The following CSMD1 variants were observed in gnomAD, a reference collection of about 807,000 sequenced individuals.
CSMD1 encodes the protein CUB and Sushi multiple domains 1.
CSMD1 carries 213 observed loss-of-function variants against 417.5 expected under a neutral mutation model. That is an observed-to-expected ratio of 0.51 (90% CI 0.46 to 0.57). CSMD1 has a LOEUF of 0.57. Ranked by LOEUF, CSMD1 falls within the 20% of genes least tolerant of loss-of-function variation. The pLI is 0.00. For missense variants in CSMD1, 6,923 were observed against 4,529.7 expected (o/e 1.53, Z -15.17); for synonymous variants, 2,862 against 1,736.8 (o/e 1.65, Z -16.11).
intron 3 of CSMD1, among the ~76,000 whole-genome samples, chr8:4,305,431 C>G (rs984404293): frequency 6.6e-6 from 1 of 152,090 alleles, no homozygotes; most frequent in Non-Finnish European, 1.5e-5. Context: ...GGATAATCGA[C>G]TAAAAGTAAG....
intron 1 of CSMD1, among the ~76,000 whole-genome samples, chr8:4,838,233 C>T (rs1016562324): frequency 6.6e-6 from 1 of 152,176 alleles, no homozygotes. Flanking sequence ...GGGTTTCGTT[C>T]TGGGTTTTAT....
At chr8:3,973,460 A>G (rs1170789995) in intron 5 of CSMD1, among the ~76,000 whole-genome samples, 1 of 152,344 alleles carries the variant, frequency 6.6e-6, no homozygotes, top group African/African-American at 2.4e-5. Flanking sequence ...ATATGTTGCA[A>G]TATTTCTGAA....
intron 7 of CSMD1, among the ~76,000 whole-genome samples, chr8:3,647,622 G>C (rs76201316): frequency 0.016 from 2,439 of 152,262 alleles, 23 homozygotes; most frequent in Middle Eastern, 0.031. Flanking sequence ...TTGAAATGTG[G>C]TATGCTGCCA....
At chr8:4,532,688 T>C (rs567453585) in intron 2 of CSMD1, among the ~76,000 whole-genome samples, 3 of 121,048 alleles carry the variant, frequency 2.5e-5, no homozygotes, top group Admixed American at 9.8e-5. Context: ...TGCACCCCCA[T>C]TCAATCACTT....
intron 3 of CSMD1, among the ~76,000 whole-genome samples, chr8:4,408,279 A>G (rs1426044097): frequency 3.3e-5 from 5 of 152,190 alleles, no homozygotes; most frequent in African/African-American, 9.6e-5. Context: ...ATATAAGGTT[A>G]TATTATGAAA....
At chr8:4,740,334 C>T (rs1810523410) in intron 1 of CSMD1, among the ~76,000 whole-genome samples, 1 of 152,034 alleles carries the variant, frequency 6.6e-6, no homozygotes, top group South Asian at 2.1e-4. Flanking sequence ...ATATAGCTAA[C>T]AGAAAAAGCC....
At chr8:4,750,826 G>C (rs1811272617) in intron 1 of CSMD1, among the ~76,000 whole-genome samples, 1 of 152,062 alleles carries the variant, frequency 6.6e-6, no homozygotes, top group Admixed American at 6.6e-5. Context: ...TCAGTATCAA[G>C]GGTCTACTGA....
chr8:3,355,358 A>T (rs1432817243), intron 21 of CSMD1, among the ~76,000 whole-genome samples: 3 of 152,204 alleles, frequency 2.0e-5, no homozygotes, highest in Non-Finnish European at 2.9e-5. Flanking sequence ...TCTCCATCAT[A>T]TATACTCTCT....
intron 46 of CSMD1, among the ~76,000 whole-genome samples, chr8:3,104,502 T>C (rs538328114): frequency 6.6e-6 from 1 of 152,086 alleles, no homozygotes; most frequent in Non-Finnish European, 1.5e-5. Flanking sequence ...CTGTAATCAA[T>C]AGTTCTCATG....
chr8:4,649,338 G>C (rs571251669), intron 1 of CSMD1, among the ~76,000 whole-genome samples: 3 of 152,156 alleles, frequency 2.0e-5, no homozygotes, highest in Non-Finnish European at 4.4e-5. Flanking sequence ...CATTGACAGA[G>C]TACCTATTAT....
intron 3 of CSMD1, among the ~76,000 whole-genome samples, chr8:4,275,065 A>G (rs569439913): frequency 1.3e-5 from 2 of 152,296 alleles, no homozygotes; most frequent in Admixed American, 1.3e-4. Context: ...AATTCTTCTA[A>G]CAATGAGATT....
Position 3,467,944 on chromosome 8 carries a change from A to G in CSMD1, c.1561+768T>C, listed in dbSNP as rs571530478. ...AAAAAGTAGAATAAAATACAGTTCC[A>G]ACAGCTCCAGATAAATATTCTCATT... is the stretch of plus-strand genomic sequence containing the variant. On this transcript the variant is annotated intron_variant, in intron 12 of 69. Transcript: ENST00000635120. Among the ~76,000 whole-genome samples, 18 of 152,380 alleles carry G rather than the reference A, an allele frequency of 1.2e-4. No homozygotes were observed. The East Asian group carries it at 3.1e-3, about 26-fold the overall frequency.
intron 1 of CSMD1, among the ~76,000 whole-genome samples, chr8:4,744,487 A>C (rs1810823087): frequency 6.6e-6 from 1 of 152,154 alleles, no homozygotes; most frequent in South Asian, 2.1e-4. Context: ...AATTATATTT[A>C]TTTAGCATAG....
chr8:3,598,924 T>G (rs1462961761), intron 8 of CSMD1, among the ~76,000 whole-genome samples: 2 of 151,600 alleles, frequency 1.3e-5, no homozygotes, highest in African/African-American at 2.4e-5. Context: ...CTATGAAAAA[T>G]ACAAAAATTA....
chr8:3,659,945 T>A (rs570880578), intron 7 of CSMD1, among the ~76,000 whole-genome samples: 24 of 152,302 alleles, frequency 1.6e-4, no homozygotes, highest in Non-Finnish European at 2.9e-4. Context: ...TCTAAAAGAA[T>A]TGCAATAATT....
At chr8:3,415,870 A>G (rs1168793201) in intron 12 of CSMD1, among the ~76,000 whole-genome samples, 5 of 152,244 alleles carry the variant, frequency 3.3e-5, no homozygotes, top group Non-Finnish European at 5.9e-5. Flanking sequence ...ACATATCCCC[A>G]AGTTTTCATG....
intron 3 of CSMD1, among the ~76,000 whole-genome samples, chr8:4,386,520 C>G (rs917357808): frequency 6.6e-6 from 1 of 152,226 alleles, no homozygotes; most frequent in Non-Finnish European, 1.5e-5. Context: ...CATTGCTTGT[C>G]TAACTCTAAA....
chr8:4,179,036 C>G (rs1462008644), intron 3 of CSMD1, among the ~76,000 whole-genome samples: 2 of 152,102 alleles, frequency 1.3e-5, no homozygotes, highest in African/African-American at 4.8e-5. Context: ...CCATCCCCAT[C>G]AAGCTACCAA....
intron 46 of CSMD1, among the ~76,000 whole-genome samples, chr8:3,100,129 G>A (rs898652682): frequency 1.3e-5 from 2 of 152,046 alleles, no homozygotes; most frequent in Non-Finnish European, 2.9e-5. Flanking sequence ...ACGGCTCACT[G>A]CAGCCTTGAC....
Sources: allele counts gnomAD v4.1 joint callset (sites outside exome capture counted in the v4.1 genomes callset), GRCh38; gene constraint gnomAD v4.1.1; transcripts MANE v1.5; gene names NCBI Gene and HGNC (gene_info 2026-07-23, HGNC 2026-07-21).